Variants in ZBTB20 observed in about 807,000 individuals in gnomAD.
The protein encoded by ZBTB20 is zinc finger and BTB domain containing 20, also known as zinc finger and BTB domain-containing protein 20.
Under a neutral mutation model 56.9 loss-of-function variants are expected in ZBTB20, and 9 were observed. The observed-to-expected ratio is 0.16, with a 90% confidence interval of 0.10 to 0.28. The LOEUF (loss-of-function observed/expected upper bound fraction) is 0.28, where lower values mean the gene tolerates loss of function less well. ZBTB20 is among the 10% of genes least tolerant of loss of function. The pLI is 1.00. For missense variants in ZBTB20, 655 were observed against 1,003.0 expected, an observed-to-expected ratio of 0.65 and a Z score of 4.69; for synonymous variants, 417 against 420.7, an observed-to-expected ratio of 0.99 and a Z score of 0.11.
chr3:115,072,201 C>T (rs1252910870), intron 1 of ZBTB20, among the ~76,000 whole-genome samples: 1 of 152,004 alleles, frequency 6.6e-6, no homozygotes, highest in Admixed American at 6.6e-5. Context: ...CATAAGAGAC[C>T]ATATTATATA....
intron 1 of ZBTB20, among the ~76,000 whole-genome samples, chr3:115,102,356 G>A (rs544061267): frequency 2.0e-5 from 3 of 151,990 alleles, no homozygotes; most frequent in African/African-American, 7.2e-5. Context: ...CTCACTATTT[G>A]GCCTGGCAGC....
At chr3:114,399,166 G>A (rs1202086437) in intron 7 of ZBTB20, among the ~76,000 whole-genome samples, 4 of 151,954 alleles carry the variant, frequency 2.6e-5, no homozygotes, top group African/African-American at 9.7e-5. Flanking sequence ...GCTTAGTCAG[G>A]GAGTTTTATT....
intron 4 of ZBTB20, among the ~76,000 whole-genome samples, chr3:114,888,987 CTTT>C (rs2076708632): frequency 6.6e-6 from 1 of 151,902 alleles, no homozygotes; most frequent in Non-Finnish European, 1.5e-5. Context: ...GTATAATCTT[CTTT>C]TGATATGCTT....
chr3:114,859,142 C>CA (rs1165867270), intron 4 of ZBTB20, among the ~76,000 whole-genome samples: 22 of 26,682 alleles, frequency 8.2e-4, no homozygotes, highest in African/African-American at 1.8e-3. Context: ...TTTCACATGA[C>CA]AAGAGAATTC....
At chr3:115,002,968 T>C (rs949563949) in intron 2 of ZBTB20, among the ~76,000 whole-genome samples, 1 of 151,670 alleles carries the variant, frequency 6.6e-6, no homozygotes, top group East Asian at 1.9e-4. Flanking sequence ...TGGAAGATTA[T>C]TCAGCACTAA....
At chr3:114,780,777 C>A (rs1396154791) in intron 5 of ZBTB20, among the ~76,000 whole-genome samples, 1 of 152,152 alleles carries the variant, frequency 6.6e-6, no homozygotes, top group Non-Finnish European at 1.5e-5. Flanking sequence ...TGAGCCACCA[C>A]GCCTGGCCCG....
At chr3:114,360,283 A>G (rs2108310734) in intron 10 of ZBTB20, among the ~76,000 whole-genome samples, 1 of 151,958 alleles carries the variant, frequency 6.6e-6, no homozygotes, top group African/African-American at 2.4e-5. Context: ...GTTGCTTCCA[A>G]TGAGACCGCT....
At chr3:115,046,121 T>C (rs978086107) in intron 2 of ZBTB20, among the ~76,000 whole-genome samples, 1 of 152,176 alleles carries the variant, frequency 6.6e-6, no homozygotes, top group Non-Finnish European at 1.5e-5. Flanking sequence ...GAATTCGAGA[T>C]GGCTCTGTCA....
chr3:115,066,444 T>C (rs1307722936), intron 2 of ZBTB20, among the ~76,000 whole-genome samples: 2 of 152,180 alleles, frequency 1.3e-5, no homozygotes, highest in African/African-American at 2.4e-5. Context: ...CTTAGGTTCC[T>C]CATAGCTTCA....
chr3:114,805,506 C>T (rs1249881166), intron 4 of ZBTB20, among the ~76,000 whole-genome samples: 1 of 151,506 alleles, frequency 6.6e-6, no homozygotes, highest in Non-Finnish European at 1.5e-5. Context: ...CTTCTTATAA[C>T]ATCAAAGGTA....
At chr3:114,663,484 C>T (rs1251763832) in intron 6 of ZBTB20, among the ~76,000 whole-genome samples, 3 of 148,212 alleles carry the variant, frequency 2.0e-5, no homozygotes, top group Non-Finnish European at 4.5e-5. Flanking sequence ...CATCAACTAA[C>T]GAGCAAAATC....
intron 6 of ZBTB20, among the ~76,000 whole-genome samples, chr3:114,621,179 G>A (rs1172702734): frequency 6.6e-6 from 1 of 152,152 alleles, no homozygotes; most frequent in Non-Finnish European, 1.5e-5. Context: ...AATTTAGGTT[G>A]ATAAGCTAAT....
At chr3:114,504,289 GATA>G (rs1424252553) in intron 6 of ZBTB20, among the ~76,000 whole-genome samples, 1 of 152,048 alleles carries the variant, frequency 6.6e-6, no homozygotes, top group Admixed American at 6.6e-5. Context: ...GCAGAGAGAT[GATA>G]ATGATATAAG....
At chr3:114,340,338 T>A (rs183358374) in intron 11 of ZBTB20, among the ~76,000 whole-genome samples, 3 of 151,868 alleles carry the variant, frequency 2.0e-5, no homozygotes, top group African/African-American at 4.8e-5. Flanking sequence ...ACATGCATGG[T>A]ATTCTTATTA....
At chr3:114,574,940 A>C (rs2053848064) in intron 6 of ZBTB20, among the ~76,000 whole-genome samples, 1 of 152,180 alleles carries the variant, frequency 6.6e-6, no homozygotes, top group Non-Finnish European at 1.5e-5. Context: ...CGTTTTTATA[A>C]GTGGGTATTT....
At chr3:114,440,320 T>C (rs1261205961) in intron 7 of ZBTB20, among the ~76,000 whole-genome samples, 2 of 152,138 alleles carry the variant, frequency 1.3e-5, no homozygotes, top group Non-Finnish European at 2.9e-5. Context: ...GTTAAGCGAT[T>C]TGTCCTGTAA....
chr3:114,576,902 G>T (rs1056423884), intron 6 of ZBTB20, among the ~76,000 whole-genome samples: 2 of 151,748 alleles, frequency 1.3e-5, no homozygotes, highest in African/African-American at 4.8e-5. Flanking sequence ...TTTATAAAAC[G>T]AATATTAGTT....
chr3:114,912,838 T>C (rs955425413), intron 3 of ZBTB20, among the ~76,000 whole-genome samples: 1 of 151,922 alleles, frequency 6.6e-6, no homozygotes, highest in Non-Finnish European at 1.5e-5. Flanking sequence ...AATTTTTAGC[T>C]CCCAGAAATA....
chr3:114,575,039 T>C (rs1032117986), intron 6 of ZBTB20, among the ~76,000 whole-genome samples: 1 of 152,142 alleles, frequency 6.6e-6, no homozygotes, highest in Non-Finnish European at 1.5e-5. Flanking sequence ...ACTGTCTACA[T>C]TTATAAATAA....
Sources: gnomAD v4.1 joint callset for allele counts (sites outside exome capture counted in the v4.1 genomes callset) on GRCh38, gnomAD v4.1.1 for gene constraint, MANE v1.5 for transcripts, NCBI Gene and HGNC (gene_info 2026-07-23, HGNC 2026-07-21) for gene names.